The following TECPR1 variants were observed in gnomAD, a reference collection of about 807,000 sequenced individuals.
TECPR1 encodes tectonin beta-propeller repeat-containing protein 1.
Under a neutral mutation model 162.4 loss-of-function variants are expected in TECPR1, and 122 were observed. The ratio of observed to expected loss-of-function variants is 0.75; its 90% CI spans 0.65 to 0.87. TECPR1 has a LOEUF of 0.87. Ranked by LOEUF, TECPR1 falls within the 40% of genes least tolerant of loss-of-function variation. The pLI is 0.00. For missense variants in TECPR1, 1,432 were observed against 1,618.2 expected, an observed-to-expected ratio of 0.88 and a Z score of 1.97; for synonymous variants, 642 against 670.6, an observed-to-expected ratio of 0.96 and a Z score of 0.66.
chr7:98,225,130 G>A (rs375068180), intron 17 of TECPR1, 28 bp from the exon 18 acceptor site: 100 of 1,543,710 alleles, frequency 6.5e-5, no homozygotes, highest in African/African-American at 1.9e-4. Flanking sequence ...GGCAGGTGAC[G>A]AGGGAGACTG....
rs1300504223 is a variant in TECPR1, at chr7:98,238,423, G to A, written c.1035+86C>T. On this transcript the variant is annotated intron_variant, in intron 9 of 25. Coordinates refer to ENST00000447648, the MANE Select transcript of TECPR1 (RefSeq NM_015395.3). ...GGAGTGGGGGGCTCTCCTACAGTGGGAAGCGGCCACTAGGCTATTGGGTGG... is the reference window on the plus strand; with the variant it reads ...GGAGTGGGGGGCTCTCCTACAGTGGAAAGCGGCCACTAGGCTATTGGGTGG... 9 of 1,099,824 alleles carry A rather than the reference G, an allele frequency of 8.2e-6. No homozygotes were observed. In the African/African-American group the frequency reaches 1.2e-4, roughly 15 times the overall value. The allele number at this position is 1,099,824 out of a possible 1,614,324, so 68.1% of individuals were successfully genotyped here.
Position 98,241,426 on chromosome 7 carries a change from G to A in TECPR1, c.658-182C>T, listed in dbSNP as rs1216025528. ...TCCGGTGGTCCTGAGGGATACACTTGTTCCATTCATCTGTTTGGGGTGATG... is the reference window on the plus strand; with the variant it reads ...TCCGGTGGTCCTGAGGGATACACTTATTCCATTCATCTGTTTGGGGTGATG... On this transcript the variant is annotated intron_variant, in intron 6 of 25. Transcript: ENST00000447648. The surrounding 1 kb of genome is among the most constrained non-coding windows in gnomAD (Gnocchi z 5.0). Among the ~76,000 whole-genome samples, 1 of 152,072 alleles carries A rather than the reference G, an allele frequency of 6.6e-6. No individual in the cohort carries two copies. The highest frequency in any genetic ancestry group is 6.5e-5 in the Admixed American group (1 of 15,268).
chr7:98,226,208 T>C (rs990144712), intron 17 of TECPR1, among the ~76,000 whole-genome samples: 2 of 152,190 alleles, frequency 1.3e-5, no homozygotes, highest in Non-Finnish European at 2.9e-5. Flanking sequence ...TGCCAGGCTG[T>C]GTGGACACTG....
chr7:98,244,409 A>T (rs1486828293), intron 5 of TECPR1, among the ~76,000 whole-genome samples, 162 bp downstream of exon 5: 1 of 152,192 alleles, frequency 6.6e-6, no homozygotes, highest in Non-Finnish European at 1.5e-5. Context: ...AGGGACACGC[A>T]GTGTCGTGGT....
rs780202706 is a variant in TECPR1 at position 98,246,097 on chromosome 7, G to C, written c.50C>G (p.Thr17Arg). The C allele has an allele frequency of 1.3e-6, 2 of 1,558,794 alleles. No individual in the cohort carries two copies. Among genetic ancestry groups the C allele is most frequent in the Non-Finnish European group, 8.7e-7 (1 of 1,152,214 alleles). The change falls in exon 3 of 26, where the codon ACG becomes AGG. Residue 17 changes from threonine (T) to arginine (R), a missense_variant. Physicochemically the swap from Thr to Arg is moderately conservative, Grantham distance 71. Transcript: ENST00000447648. ...WAVDLFGRVY[T>R]LSTAGQYWEM... ...CCAGTACTGGCCTGCTGTGGACAGC[G>C]TGTACACTCTCCCGAAGAGGTCCAC...
intron 22 of TECPR1, 126 bp from the exon 23 acceptor site, chr7:98,221,879 G>C (rs527873459): frequency 8.1e-4 from 565 of 700,418 alleles, no homozygotes; most frequent in Non-Finnish European, 1.1e-3. Flanking sequence ...GTGCCACACA[G>C]AGCTGACACG....
chr7:98,217,504 C>G lies in TECPR1; in HGVS notation c.3385-1G>C. The G allele has an allele frequency of 6.3e-7, 1 of 1,599,714 alleles. No homozygotes were observed. The highest frequency in any genetic ancestry group is 8.5e-7 in the Non-Finnish European group (1 of 1,173,958). On this transcript the variant is annotated splice_acceptor_variant, in intron 25 of 25. Transcript: ENST00000447648. LOFTEE classifies it high-confidence loss of function. ...GGACAGAGATATGGTCCCAGCCTCC[C>G]TGGAAGGAGAGAGCTGTGTCACCAG... is the stretch of plus-strand genomic sequence containing the variant.
At chr7:98,237,431 T>C (rs1562941057) in intron 9 of TECPR1, among the ~76,000 whole-genome samples, 1 of 152,068 alleles carries the variant, frequency 6.6e-6, no homozygotes, top group Non-Finnish European at 1.5e-5. Flanking sequence ...GTAGCTGGGA[T>C]TACAGGCTCC....
intron 2 of TECPR1, 103 bp from the exon 3 acceptor site, chr7:98,246,268 C>CT: frequency 1.5e-6 from 1 of 687,682 alleles, no homozygotes; most frequent in Non-Finnish European, 2.3e-6. Context: ...TATTCTTTTT[C>CT]TCTTTTTTTT....
chr7:98,223,873 G>C, intron 19 of TECPR1, 155 bp from the exon 20 acceptor site: 1 of 732,140 alleles, frequency 1.4e-6, no homozygotes, highest in Non-Finnish European at 2.2e-6. Context: ...ACCACGCGCG[G>C]CTCTCAGGAG....
Position 98,221,741 on chromosome 7 carries a change from T to C in TECPR1, c.3077A>G (p.Tyr1026Cys), listed in dbSNP as rs1798147929. 6.2e-7 allele frequency: 1 copy of C among 1,608,208 alleles called. No individual in the cohort carries two copies. The highest frequency in any genetic ancestry group is 8.5e-7 in the Non-Finnish European group (1 of 1,177,794). ...YPSQPAGDCW[Y>C]HIPSPPRQRL... ...CTGTCTCGGTGGGGACGGGATGTGG[T>C]ACCAGCAGTCACCTGCGAAGGGGAG... Residue 1026 changes from tyrosine to cysteine, a missense_variant, in exon 23 of 26, where the codon TAC becomes TGC. Tyr to Cys is a radical substitution (Grantham distance 194, BLOSUM62 -2). Transcript: ENST00000447648.
In TECPR1 at chr7:98,232,824, C is replaced by CA. The variant is rs1798480316; in HGVS notation, c.1818+2dup. The stretch of plus-strand genomic sequence containing the variant: ...ATGCATGCGCAGCCACCGGGGCACC[C>CA]ACCTGCTCCACGGCCTGCTCGTAGT... On this transcript the variant is annotated splice_region_variant and intron_variant, in intron 12 of 25. Coordinates refer to ENST00000447648, the MANE Select transcript of TECPR1 (RefSeq NM_015395.3). This position sits in a 1 kb window ranked among gnomAD's most constrained non-coding sequence, Gnocchi z 4.6. 1.3e-6 allele frequency: 2 copies of CA among 1,583,368 alleles called. No homozygotes were observed. The highest frequency in any genetic ancestry group is 3.7e-5 in the Admixed American group (2 of 54,264).
intron 17 of TECPR1, among the ~76,000 whole-genome samples, chr7:98,227,315 C>T (rs1455859628): frequency 6.6e-6 from 1 of 150,808 alleles, no homozygotes; most frequent in African/African-American, 2.4e-5. Flanking sequence ...TAGCTTGAAC[C>T]TGGGAGGCAG....
chr7:98,250,625 G>A (rs145721204), intron 2 of TECPR1, among the ~76,000 whole-genome samples: 72 of 152,216 alleles, frequency 4.7e-4, no homozygotes, highest in African/African-American at 1.4e-3. Flanking sequence ...GCAGCAGAGC[G>A]AGACCCTGTC....
chr7:98,227,632 C>G (rs575607552), intron 17 of TECPR1, among the ~76,000 whole-genome samples: 1 of 151,852 alleles, frequency 6.6e-6, no homozygotes, highest in African/African-American at 2.4e-5. Flanking sequence ...ACCAGTCTGG[C>G]CAACATGGTA....
intron 23 of TECPR1, among the ~76,000 whole-genome samples, chr7:98,221,316 T>A (rs1798133550): frequency 6.6e-6 from 1 of 151,914 alleles, no homozygotes; most frequent in East Asian, 1.9e-4. Flanking sequence ...GAAAAAATAA[T>A]AACAATAATA....
intron 17 of TECPR1, among the ~76,000 whole-genome samples, chr7:98,227,199 C>T (rs562397658): frequency 9.3e-5 from 14 of 151,072 alleles, no homozygotes; most frequent in East Asian, 2.0e-4. Context: ...CAAGACCAGT[C>T]GGACCAACAT....
At position 98,240,724 on chromosome 7, in the gene TECPR1, C is replaced by CT. The variant is rs879050911; in HGVS notation, c.933+126dup. 2.0e-3 allele frequency: 1,713 copies of CT among 844,958 alleles called. 6 individuals carry two copies. The East Asian group carries it at 0.021, about 11-fold the overall frequency. The allele number at this position is 844,958 out of a possible 1,614,324, so 52.3% of individuals were successfully genotyped here. ...GCCACTGCACCCGGCCTGGGTTTTT[C>CT]TTTTTTTTTAATTTGAGACAGGGTC... On this transcript the variant is annotated intron_variant, in intron 8 of 25. Coordinates refer to ENST00000447648, the MANE Select transcript of TECPR1 (RefSeq NM_015395.3).
chr7:98,244,541 T>C (rs1470520563), intron 5 of TECPR1, 30 bp downstream of exon 5: 2 of 1,587,304 alleles, frequency 1.3e-6, no homozygotes, highest in South Asian at 2.3e-5. Flanking sequence ...GGCCCTATCC[T>C]GCCCCCAACC....
Sources: allele counts gnomAD v4.1 joint callset (sites outside exome capture counted in the v4.1 genomes callset), GRCh38; gene constraint gnomAD v4.1.1; non-coding constraint Gnocchi (gnomAD v3.1); transcripts MANE v1.5; gene names NCBI Gene and HGNC (gene_info 2026-07-23, HGNC 2026-07-21).